C2CD2: variants seen among roughly 807,000 people sequenced by gnomAD.
C2CD2 encodes the protein C2 calcium dependent domain containing 2, also known as C2 domain-containing protein 2.
Under a neutral mutation model 74.3 loss-of-function variants are expected in C2CD2, and 43 were observed. The observed-to-expected ratio is 0.58, with a 90% CI of 0.45 to 0.75. The LOEUF is 0.75. C2CD2 is among the 30% of genes least tolerant of loss of function. C2CD2 has a pLI of 0.00. For synonymous variants in C2CD2, 422 were observed against 390.7 expected, an observed-to-expected ratio of 1.08 and a Z score of -0.94; for missense variants, 801 against 916.3, an observed-to-expected ratio of 0.87 and a Z score of 1.63.
At chr21:41,893,368 C>CAAAAT (rs1464180572) in intron 13 of C2CD2, among the ~76,000 whole-genome samples, 2 of 151,902 alleles carry the variant, frequency 1.3e-5, no homozygotes, top group Non-Finnish European at 2.9e-5. Context: ...CCCTGTCTCT[C>CAAAAT]AAAATAAAAT....
rs1388696038 is a variant in C2CD2 at position 41,885,616 on chromosome 21, G to A, written c.*3508C>T. ...AGGGTTTACGCCAGCCCCGAGGTCT[G>A]TTTTCCGTCAGACAGAGATACGTGT... On this transcript the variant is annotated 3_prime_UTR_variant, in exon 14 of 14. Coordinates refer to ENST00000380486, the MANE Select transcript of C2CD2 (RefSeq NM_015500.2). 1 of 152,682 alleles carries A rather than the reference G, an allele frequency of 6.5e-6. No individual in the cohort carries two copies. The highest frequency in any genetic ancestry group is 1.5e-5 in the Non-Finnish European group (1 of 68,102). 9.5% of individuals were successfully genotyped at this position (152,682 alleles called of 1,614,324 possible). A position where few individuals can be genotyped will look rare whatever the true frequency, so the allele number is the denominator to read the frequency against.
At position 41,953,793 on chromosome 21, in the gene C2CD2, C is replaced by A; in HGVS notation, c.-145G>T. 1 of 714,468 alleles carries A rather than the reference C, an allele frequency of 1.4e-6. No homozygotes were observed. Among genetic ancestry groups the A allele is most frequent in the Non-Finnish European group, 1.9e-6 (1 of 527,536 alleles). 44.3% of individuals were successfully genotyped at this position (714,468 alleles called of 1,614,324 possible). A position where few individuals can be genotyped will look rare whatever the true frequency, so the allele number is the denominator to read the frequency against. ...GGTCGGAGCCCGGCGAGGAGCGTGG[C>A]CGGGGGCCTCTGGGCGGGCAAGCGG... On this transcript the variant is annotated 5_prime_UTR_variant, in exon 1 of 14. Coordinates refer to ENST00000380486, the MANE Select transcript of C2CD2 (RefSeq NM_015500.2).
chr21:41,943,616 A>G (rs1036331191), intron 1 of C2CD2, among the ~76,000 whole-genome samples: 15 of 152,318 alleles, frequency 9.8e-5, no homozygotes, highest in African/African-American at 3.6e-4. Context: ...GTCCAGCTAC[A>G]AGGCGTGACC....
intron 11 of C2CD2, among the ~76,000 whole-genome samples, chr21:41,904,846 A>G (rs2064941302): frequency 6.6e-6 from 1 of 152,226 alleles, no homozygotes; most frequent in Non-Finnish European, 1.5e-5. Context: ...TGCCCCTGAG[A>G]GCAGGTCACG....
intron 2 of C2CD2, among the ~76,000 whole-genome samples, chr21:41,934,322 G>A (rs907156727): frequency 2.6e-5 from 4 of 152,124 alleles, no homozygotes; most frequent in African/African-American, 4.8e-5. Flanking sequence ...CCCAGCTACC[G>A]GGGAGGCTGA....
Position 41,953,482 on chromosome 21 carries a change from G to T in C2CD2, c.167C>A (p.Pro56Gln). ...GAGCAGCGCGTCGGACCCCGGGCGC[G>T]GCCCCTCTCCAGGCTCCACCGCCCG... ...QRRAVEPGEG[P>Q]RPGSDALLSW... is the part of the protein sequence containing the mutation. The change falls in exon 1 of 14, where the codon CCG becomes CAG. Residue 56 changes from proline (P) to glutamine (Q), a missense_variant. Physicochemically the swap from Pro to Gln is moderately conservative, Grantham distance 76. Coordinates refer to ENST00000380486, the MANE Select transcript of C2CD2 (RefSeq NM_015500.2). 1.3e-6 allele frequency: 2 copies of T among 1,482,676 alleles called. No homozygotes were observed. Among genetic ancestry groups the T allele is most frequent in the African/African-American group, 1.5e-5 (1 of 68,460 alleles). 91.8% of individuals were successfully genotyped at this position (1,482,676 alleles called of 1,614,324 possible). A position where few individuals can be genotyped will look rare whatever the true frequency, so the allele number is the denominator to read the frequency against.
chr21:41,940,543 C>T (rs2065346139), intron 2 of C2CD2, among the ~76,000 whole-genome samples: 2 of 152,284 alleles, frequency 1.3e-5, no homozygotes, highest in Admixed American at 6.5e-5. Flanking sequence ...TAATAAAATG[C>T]AGACGGAGCC....
In C2CD2 at chr21:41,892,063, T is replaced by C. The variant is rs1460594183; in HGVS notation, c.1871-2719A>G. The stretch of plus-strand genomic sequence containing the variant: ...GTGACCTTATTTGGAGATGGGGTCC[T>C]TGCAGAAGTCATCAACTTAAAATTA... On this transcript the variant is annotated intron_variant, in intron 13 of 13. Coordinates refer to ENST00000380486, the MANE Select transcript of C2CD2 (RefSeq NM_015500.2). This position sits in a 1 kb window ranked among gnomAD's most constrained non-coding sequence, Gnocchi z 4.6. Among the ~76,000 whole-genome samples, 1 of 151,936 alleles carries C rather than the reference T, an allele frequency of 6.6e-6. No individual in the cohort carries two copies. The highest frequency in any genetic ancestry group is 6.6e-5 in the Admixed American group (1 of 15,260).
intron 2 of C2CD2, 137 bp from the exon 3 acceptor site, chr21:41,922,222 G>C: frequency 1.7e-6 from 1 of 594,592 alleles, no homozygotes; most frequent in South Asian, 2.0e-5. Context: ...GCAGTGGCGC[G>C]ATCTCAGCTC....
chr21:41,898,314 T>C (rs1186452259), intron 13 of C2CD2, among the ~76,000 whole-genome samples: 1 of 152,144 alleles, frequency 6.6e-6, no homozygotes, highest in African/African-American at 2.4e-5. Flanking sequence ...GCAGCGGCCA[T>C]GCTCCTCATC....
At chr21:41,952,172 G>C (rs945654748) in intron 1 of C2CD2, among the ~76,000 whole-genome samples, 8 of 152,236 alleles carry the variant, frequency 5.3e-5, no homozygotes, top group African/African-American at 1.9e-4. Flanking sequence ...CAGGACAAAA[G>C]TCAGTCAACT....
In C2CD2 at chr21:41,886,301, C is replaced by T. The variant is rs1453548384; in HGVS notation, c.*2823G>A. ...GGTGAGGCGATAAAGGTGATTTACA[C>T]ATCAGTATTTTTAGCATTTGGTGGA... On this transcript the variant is annotated 3_prime_UTR_variant, in exon 14 of 14. Coordinates refer to ENST00000380486, the MANE Select transcript of C2CD2 (RefSeq NM_015500.2). 2 of 152,224 alleles carry T rather than the reference C, an allele frequency of 1.3e-5. No homozygotes were observed. Among genetic ancestry groups the T allele is most frequent in the African/African-American group, 4.8e-5 (2 of 41,454 alleles). The allele number at this position is 152,224 out of a possible 1,614,324, so 9.4% of individuals were successfully genotyped here.
At chr21:41,907,261 T>C in intron 9 of C2CD2, 95 bp from the exon 10 acceptor site, 1 of 974,326 alleles carries the variant, frequency 1.0e-6, no homozygotes, top group Non-Finnish European at 1.6e-6. Context: ...TAACCATAAT[T>C]CATAATTCCT....
intron 10 of C2CD2, among the ~76,000 whole-genome samples, chr21:41,906,120 C>T (rs2064959386): frequency 6.6e-6 from 1 of 152,154 alleles, no homozygotes; most frequent in African/African-American, 2.4e-5. Flanking sequence ...ATGCTTTTGC[C>T]CAAGCAGAGA....
Position 41,907,152 on chromosome 21 carries a change from T to C in C2CD2, c.1158A>G (p.Glu386=). 1.2e-6 allele frequency: 2 copies of C among 1,614,124 alleles called. No homozygotes were observed. The highest frequency in any genetic ancestry group is 1.7e-6 in the Non-Finnish European group (2 of 1,179,964). ...TGGGCCAGGATTTCAATTCACCAGG[T>C]TCCATGTAAGAGAACTGCAGAGAAG... The part of the protein sequence containing the change: ...GSVTAEFSYM[E]PGELKSWPIP... The change falls in exon 10 of 14, where the codon GAA becomes GAG. Residue 386 remains glutamate (E), a synonymous_variant. Transcript: ENST00000380486.
chr21:41,905,914 A>G, intron 10 of C2CD2, 77 bp from the exon 11 acceptor site: 1 of 818,396 alleles, frequency 1.2e-6, no homozygotes, highest in Non-Finnish European at 2.2e-6. Context: ...GTGAAAGGAC[A>G]GCCCTCACTG....
intron 2 of C2CD2, among the ~76,000 whole-genome samples, chr21:41,925,455 G>A (rs142937020): frequency 6.6e-6 from 1 of 152,168 alleles, no homozygotes; most frequent in Non-Finnish European, 1.5e-5. Flanking sequence ...CTGCGTTCCA[G>A]CAGAAAGAAA....
At chr21:41,921,280 G>C (rs901348096) in intron 3 of C2CD2, among the ~76,000 whole-genome samples, 6 of 152,180 alleles carry the variant, frequency 3.9e-5, no homozygotes, top group Non-Finnish European at 8.8e-5. Flanking sequence ...CTCGAAACAA[G>C]CCCAGACATC....
rs2065185286 is a variant in C2CD2, at chr21:41,924,270, G to A, written c.379-2185C>T. On this transcript the variant is annotated intron_variant, in intron 2 of 13. Coordinates refer to ENST00000380486, the MANE Select transcript of C2CD2 (RefSeq NM_015500.2). This position sits in a 1 kb window ranked among gnomAD's most constrained non-coding sequence, Gnocchi z 4.4. The stretch of plus-strand genomic sequence containing the variant: ...CTGGGTCCAGCTCTTCCCACCAGTG[G>A]CCCATCCCACTCTGGAACAAAAACG... Among the ~76,000 whole-genome samples the A allele has an allele frequency of 6.6e-6, 1 of 152,142 alleles. No homozygotes were observed. The highest frequency in any genetic ancestry group is 1.5e-5 in the Non-Finnish European group (1 of 68,038).
Sources: allele counts gnomAD v4.1 joint callset (sites outside exome capture counted in the v4.1 genomes callset), GRCh38; gene constraint gnomAD v4.1.1; non-coding constraint Gnocchi (gnomAD v3.1); transcripts MANE v1.5; gene names NCBI Gene and HGNC (gene_info 2026-07-23, HGNC 2026-07-21).